Variants in PSAP observed in about 807,000 individuals in gnomAD.
PSAP encodes prosaposin.
A neutral mutation model predicts 66.0 loss-of-function variants in PSAP; 25 were observed. The observed-to-expected ratio is 0.38, with a 90% CI of 0.28 to 0.53. The LOEUF (loss-of-function observed/expected upper bound fraction) is 0.53, where lower values mean the gene tolerates loss of function less well. Ranked by LOEUF, PSAP falls within the 20% of genes least tolerant of loss-of-function variation. The pLI is 0.83. For missense variants in PSAP, 649 were observed against 668.8 expected (o/e 0.97, Z 0.33); for synonymous variants, 273 against 258.9 (o/e 1.05, Z -0.52).
intron 1 of PSAP, among the ~76,000 whole-genome samples, chr10:71,847,162 C>T (rs919306493): frequency 6.6e-6 from 1 of 152,104 alleles, no homozygotes; most frequent in Non-Finnish European, 1.5e-5. Flanking sequence ...GTTCTCAAAA[C>T]AACCTGTCAG....
chr10:71,844,237 T>G (rs1842779812), intron 1 of PSAP, among the ~76,000 whole-genome samples: 1 of 152,242 alleles, frequency 6.6e-6, no homozygotes, highest in African/African-American at 2.4e-5. Context: ...ACTCCACAAC[T>G]CAGCAATTCT....
chr10:71,851,058 G>A (rs1379425475), intron 1 of PSAP, 124 bp downstream of exon 1: 1 of 1,174,388 alleles, frequency 8.5e-7, no homozygotes, highest in Admixed American at 2.0e-5. Flanking sequence ...CGCCTGCGCA[G>A]TGCGCGCGCC....
In PSAP at chr10:71,835,728, AG is replaced by A. The variant is rs542400516; in HGVS notation, c.41-1224del. On this transcript the variant is annotated intron_variant, in intron 1 of 13. Coordinates refer to ENST00000394936, the MANE Select transcript of PSAP (RefSeq NM_002778.4). Reference sequence around the variant, plus strand: ...AGAGATTACATCGGACTACACATAGAGGATGGTGGCATGAGGGTCAAACTCC... The same window carrying A: ...AGAGATTACATCGGACTACACATAGAGATGGTGGCATGAGGGTCAAACTCC... 2.0e-3 allele frequency among the ~76,000 whole-genome samples: 296 copies of A among 150,348 alleles called. 1 individual carries two copies. Among genetic ancestry groups the A allele is most frequent in the African/African-American group, 6.9e-3 (283 of 40,996 alleles).
chr10:71,823,508 C>A lies in PSAP; in HGVS notation c.778-1501G>T, dbSNP rs1215801518. Among the ~76,000 whole-genome samples, 6 of 152,188 alleles carry A rather than the reference C, an allele frequency of 3.9e-5. No homozygotes were observed. The East Asian group carries it at 1.2e-3, about 29-fold the overall frequency. On this transcript the variant is annotated intron_variant, in intron 7 of 13. Coordinates refer to ENST00000394936, the MANE Select transcript of PSAP (RefSeq NM_002778.4). ...ACAGACACAAGGTGCCCTGGGGAAG[C>A]CAGACCTACACTGGACTTCCTAACT...
intron 1 of PSAP, chr10:71,844,866 C>A (rs957161833): frequency 2.6e-5 from 4 of 152,132 alleles, no homozygotes; most frequent in Admixed American, 2.6e-4. Context: ...TACAGTGGTC[C>A]CTCCTTAACC....
chr10:71,824,332 G>T (rs539321288), intron 7 of PSAP, among the ~76,000 whole-genome samples: 1 of 152,202 alleles, frequency 6.6e-6, no homozygotes, highest in Non-Finnish European at 1.5e-5. Flanking sequence ...CCAAGTAAGG[G>T]GGGTAAGGGA....
chr10:71,816,698 C>T lies in PSAP; in HGVS notation c.*743G>A. The T allele has an allele frequency of 3.4e-6, 1 of 292,978 alleles. No homozygotes were observed. The highest frequency in any genetic ancestry group is 7.0e-6 in the Non-Finnish European group (1 of 142,760). The allele number at this position is 292,978 out of a possible 1,614,324, so 18.1% of individuals were successfully genotyped here. A position where few individuals can be genotyped will look rare whatever the true frequency, so the allele number is the denominator to read the frequency against. The stretch of plus-strand genomic sequence containing the variant: ...ACCACTGTCCACACGCTCACACAAG[C>T]CAGGCCCGCAGGGCCTTCGGAGAGC... On this transcript the variant is annotated 3_prime_UTR_variant, in exon 14 of 14. Coordinates refer to ENST00000394936, the MANE Select transcript of PSAP (RefSeq NM_002778.4).
Position 71,835,823 on chromosome 10 carries a change from A to G in PSAP, c.41-1318T>C, listed in dbSNP as rs1175928847. Among the ~76,000 whole-genome samples the G allele has an allele frequency of 1.5e-4, 11 of 75,146 alleles. No individual in the cohort carries two copies. In the South Asian group the frequency reaches 6.4e-3, roughly 44 times the overall value. The allele number at this position is 75,146 out of a possible 152,430, so 49.3% of individuals were successfully genotyped here. On this transcript the variant is annotated intron_variant, in intron 1 of 13. Transcript: ENST00000394936. ...ATACTTGACCCAAGTCTGAGACAGA[A>G]AAAAAAAAAAAAAAAACAAAACACA...
intron 1 of PSAP, among the ~76,000 whole-genome samples, chr10:71,835,031 T>G (rs1842594118): frequency 6.6e-6 from 1 of 151,118 alleles, no homozygotes; most frequent in Non-Finnish European, 1.5e-5. Flanking sequence ...CGTCAGGAGA[T>G]CAAGACCATC....
intron 4 of PSAP, 79 bp from the exon 5 acceptor site, chr10:71,829,156 T>C: frequency 1.5e-6 from 2 of 1,320,028 alleles, no homozygotes; most frequent in Non-Finnish European, 2.2e-6. Context: ...GCCTCTGAAT[T>C]AGTCCCTCTC....
chr10:71,841,256 G>A (rs1263485441), intron 1 of PSAP, among the ~76,000 whole-genome samples: 2 of 152,238 alleles, frequency 1.3e-5, no homozygotes, highest in East Asian at 1.9e-4. Context: ...GACCAGCTGC[G>A]TGGTCTCTGC....
chr10:71,817,507 T>C, intron 13 of PSAP, 31 bp from the exon 14 acceptor site: 1 of 1,612,510 alleles, frequency 6.2e-7, no homozygotes, highest in Non-Finnish European at 8.5e-7. Context: ...GAGTTTAGTC[T>C]TCGGATGAAA....
chr10:71,835,842 A>C (rs1795131115), intron 1 of PSAP, among the ~76,000 whole-genome samples: 1 of 145,910 alleles, frequency 6.9e-6, no homozygotes, highest in Non-Finnish European at 1.5e-5. Context: ...AAAAAAAACA[A>C]AACACAATCA....
intron 1 of PSAP, among the ~76,000 whole-genome samples, chr10:71,838,596 G>C (rs1842671819): frequency 6.6e-6 from 1 of 152,294 alleles, no homozygotes; most frequent in African/African-American, 2.4e-5. Context: ...GGCATAAAAA[G>C]AGAACGGATT....
At chr10:71,818,251 G>A (rs529487492) in intron 13 of PSAP, among the ~76,000 whole-genome samples, 69 of 152,216 alleles carry the variant, frequency 4.5e-4, no homozygotes, top group Non-Finnish European at 8.8e-4. Flanking sequence ...ATGTTCCCGG[G>A]GGACAGGACC....
chr10:71,838,722 C>A (rs990026957), intron 1 of PSAP, among the ~76,000 whole-genome samples: 2 of 152,128 alleles, frequency 1.3e-5, no homozygotes, highest in African/African-American at 4.8e-5. Flanking sequence ...CACCACTGCA[C>A]TCCAGCCTGG....
chr10:71,818,627 G>T lies in PSAP; in HGVS notation c.1529C>A (p.Ala510Asp), dbSNP rs1280398666. 2 of 1,613,594 alleles carry T rather than the reference G, an allele frequency of 1.2e-6. No individual in the cohort carries two copies. Among genetic ancestry groups the T allele is most frequent in the South Asian group, 2.2e-5 (2 of 91,052 alleles). The part of the protein sequence containing the change: ...SYWCQNTETA[A>D]QCNAVEHCKR... ...TGCTGAGCTACTCACATTGCACTGG[G>T]CTGCTGTCTCTGTGTTCTGGCACCA... Residue 510 changes from alanine (A) to aspartate (D), a missense_variant, in exon 13 of 14, where the codon GCC (alanine) becomes GAC (aspartate). Ala to Asp is a moderately radical substitution (Grantham distance 126). Coordinates refer to ENST00000394936, the MANE Select transcript of PSAP (RefSeq NM_002778.4).
chr10:71,848,696 G>T (rs1039781093), intron 1 of PSAP, among the ~76,000 whole-genome samples: 2 of 152,128 alleles, frequency 1.3e-5, no homozygotes, highest in Admixed American at 1.3e-4. Context: ...GTGCCTCTCG[G>T]GCAGCAGACA....
chr10:71,830,977 C>T (rs546240531), intron 4 of PSAP, 149 bp downstream of exon 4: 1 of 1,219,220 alleles, frequency 8.2e-7, no homozygotes, highest in Admixed American at 1.8e-5. Flanking sequence ...GCCAAAGGAG[C>T]TATTCTGGAT....
Sources: gnomAD v4.1 joint callset for allele counts (sites outside exome capture counted in the v4.1 genomes callset) on GRCh38, gnomAD v4.1.1 for gene constraint, MANE v1.5 for transcripts, NCBI Gene and HGNC (gene_info 2026-07-23, HGNC 2026-07-21) for gene names.